Variants in GALNT10 observed in about 807,000 individuals in gnomAD.
The protein encoded by GALNT10 is GalNAc transferase 10.
In GALNT10, 41 loss-of-function variants were observed where a neutral mutation model predicts 75.0. The observed-to-expected ratio is 0.55, with a 90% confidence interval of 0.43 to 0.71. The LOEUF is 0.71. Ranked by LOEUF, GALNT10 falls within the 30% of genes least tolerant of loss-of-function variation. GALNT10 has a pLI of 0.00. For missense variants in GALNT10, 727 were observed against 818.5 expected (o/e 0.89, Z 1.36); for synonymous variants, 302 against 313.0 (o/e 0.96, Z 0.37).
intron 1 of GALNT10, among the ~76,000 whole-genome samples, chr5:154,223,098 G>T (rs1561633497): frequency 6.6e-6 from 1 of 152,192 alleles, no homozygotes; most frequent in Non-Finnish European, 1.5e-5. Flanking sequence ...GAAAAACACT[G>T]TGTAGGGCAC....
intron 3 of GALNT10, among the ~76,000 whole-genome samples, chr5:154,314,776 G>A (rs998380757): frequency 6.6e-6 from 1 of 151,642 alleles, no homozygotes. Flanking sequence ...TCCAGAAGAT[G>A]ATTGTTTATC....
At position 154,324,758 on chromosome 5, in the gene GALNT10, A is replaced by G. The variant is rs183299822; in HGVS notation, c.402-4814A>G. 4.4e-4 allele frequency among the ~76,000 whole-genome samples: 67 copies of G among 152,248 alleles called. No homozygotes were observed. The South Asian group carries it at 8.1e-3, about 18-fold the overall frequency. On this transcript the variant is annotated intron_variant, in intron 3 of 11. Transcript: ENST00000297107. ...CATTTCTAACAAGAACCTCTCGGTG[A>G]TGCTACCACTTTCAGAATCACTGTT...
At chr5:154,237,260 C>A (rs900558239) in intron 1 of GALNT10, among the ~76,000 whole-genome samples, 2 of 152,152 alleles carry the variant, frequency 1.3e-5, no homozygotes, top group Admixed American at 1.3e-4. Context: ...GCTCTGAGGA[C>A]CATTCTTTCA....
chr5:154,291,687 C>T (rs1754196942), intron 1 of GALNT10, among the ~76,000 whole-genome samples: 1 of 152,182 alleles, frequency 6.6e-6, no homozygotes, highest in South Asian at 2.1e-4. Context: ...TTAGTGTAGC[C>T]TTAGGACTTC....
At chr5:154,246,753 G>T (rs1017392747) in intron 1 of GALNT10, among the ~76,000 whole-genome samples, 5 of 152,150 alleles carry the variant, frequency 3.3e-5, no homozygotes, top group Non-Finnish European at 5.9e-5. Flanking sequence ...CTCCCATTCT[G>T]TAGGTTGCCT....
chr5:154,265,091 A>G (rs1297600915), intron 1 of GALNT10, among the ~76,000 whole-genome samples: 1 of 152,202 alleles, frequency 6.6e-6, no homozygotes, highest in Non-Finnish European at 1.5e-5. Flanking sequence ...GGAGAGACAG[A>G]TTTCTTGATG....
chr5:154,277,884 C>T (rs554390530), intron 1 of GALNT10, among the ~76,000 whole-genome samples: 2 of 152,284 alleles, frequency 1.3e-5, no homozygotes, highest in South Asian at 4.1e-4. Flanking sequence ...TCCCAGGTCC[C>T]AGTAGCAGTT....
intron 7 of GALNT10, among the ~76,000 whole-genome samples, chr5:154,395,742 A>T (rs138978844): frequency 6.6e-6 from 1 of 152,190 alleles, no homozygotes; most frequent in African/African-American, 2.4e-5. Context: ...GTTAGGAAAT[A>T]TAGTGTGAAC....
intron 1 of GALNT10, among the ~76,000 whole-genome samples, chr5:154,254,834 A>G (rs1036242421): frequency 1.3e-5 from 2 of 152,178 alleles, no homozygotes; most frequent in African/African-American, 4.8e-5. Flanking sequence ...TAAGACAACA[A>G]GAAGTTCAGG....
intron 1 of GALNT10, among the ~76,000 whole-genome samples, chr5:154,210,385 TACACAC>T (rs35928766): frequency 1.6e-3 from 244 of 148,968 alleles, no homozygotes; most frequent in African/African-American, 4.8e-3. Flanking sequence ...CACACATGCA[TACACAC>T]ACACACACAC....
intron 7 of GALNT10, among the ~76,000 whole-genome samples, chr5:154,400,299 C>T (rs1054887863): frequency 1.4e-4 from 21 of 152,142 alleles, no homozygotes; most frequent in African/African-American, 5.1e-4. Context: ...GCTGGGTGCT[C>T]GCTGCATTCA....
At chr5:154,303,978 A>G (rs1754395654) in intron 3 of GALNT10, among the ~76,000 whole-genome samples, 1 of 152,200 alleles carries the variant, frequency 6.6e-6, no homozygotes, top group African/African-American at 2.4e-5. Flanking sequence ...AAGATATAAG[A>G]AGATCCAAAT....
intron 11 of GALNT10, 32 bp downstream of exon 11, chr5:154,415,964 T>C (rs776234672): frequency 6.2e-7 from 1 of 1,605,566 alleles, no homozygotes; most frequent in African/African-American, 1.3e-5. Flanking sequence ...GCAGGGCACC[T>C]GCTTAATTTT....
intron 4 of GALNT10, among the ~76,000 whole-genome samples, chr5:154,342,177 CATT>C (rs1399825582): frequency 2.6e-5 from 4 of 152,112 alleles, no homozygotes; most frequent in African/African-American, 9.7e-5. Context: ...CTCAAAGTCT[CATT>C]ATGGGAATGA....
chr5:154,273,385 T>A (rs1042014658), intron 1 of GALNT10, among the ~76,000 whole-genome samples: 4 of 152,170 alleles, frequency 2.6e-5, no homozygotes, highest in African/African-American at 9.7e-5. Context: ...AGCTTCCTGT[T>A]CAGGGAGTGA....
chr5:154,332,721 C>T (rs979092946), intron 4 of GALNT10, among the ~76,000 whole-genome samples: 1 of 152,300 alleles, frequency 6.6e-6, no homozygotes, highest in East Asian at 1.9e-4. Context: ...GCAGCAGGGC[C>T]ATCTTCATCC....
At chr5:154,293,830 C>T (rs1008290165) in intron 1 of GALNT10, among the ~76,000 whole-genome samples, 32 of 151,874 alleles carry the variant, frequency 2.1e-4, no homozygotes, top group African/African-American at 7.5e-4. Context: ...GTTTGTCTTG[C>T]CTGCCTCTCC....
At position 154,419,866 on chromosome 5, in the gene GALNT10, A is replaced by G. The variant is rs1359383473; in HGVS notation, c.*2894A>G. On this transcript the variant is annotated 3_prime_UTR_variant, in exon 12 of 12. Transcript: ENST00000297107. ...GATGCTGACAGCCAGGTAATGGGTG[A>G]GACTGTGGGGTCCCTTTTCCTCTAA... 6.6e-6 allele frequency: 1 copy of G among 152,222 alleles called. No individual in the cohort carries two copies. The highest frequency in any genetic ancestry group is 1.5e-5 in the Non-Finnish European group (1 of 68,046). 9.4% of individuals were successfully genotyped at this position (152,222 alleles called of 1,614,324 possible). A position where few individuals can be genotyped will look rare whatever the true frequency, so the allele number is the denominator to read the frequency against.
intron 1 of GALNT10, among the ~76,000 whole-genome samples, chr5:154,216,971 C>T (rs1482812309): frequency 2.0e-5 from 3 of 152,112 alleles, no homozygotes; most frequent in Non-Finnish European, 2.9e-5. Context: ...TTCCCTCTGC[C>T]CAACCCCGGG....
Sources: allele counts gnomAD v4.1 joint callset (sites outside exome capture counted in the v4.1 genomes callset), GRCh38; gene constraint gnomAD v4.1.1; transcripts MANE v1.5; gene names NCBI Gene and HGNC (gene_info 2026-07-23, HGNC 2026-07-21).